Variants in DPP6 observed in about 807,000 individuals in gnomAD.
DPP6 encodes A-type potassium channel modulatory protein DPP6.
In DPP6, 69 loss-of-function variants were observed where a neutral mutation model predicts 122.6. That is an observed-to-expected ratio of 0.56 (90% CI 0.46 to 0.69). The LOEUF (loss-of-function observed/expected upper bound fraction) is 0.69, where lower values mean the gene tolerates loss of function less well. Among genes scored for constraint, DPP6 ranks in the 30% least tolerant of loss-of-function variants. The pLI is 0.00. For synonymous variants in DPP6, 418 were observed against 433.1 expected (o/e 0.97, Z 0.43); for missense variants, 928 against 1,116.9 (o/e 0.83, Z 2.41).
At chr7:154,108,084 C>G (rs1585393266) in intron 1 of DPP6, among the ~76,000 whole-genome samples, 3 of 152,338 alleles carry the variant, frequency 2.0e-5, no homozygotes, top group African/African-American at 7.2e-5. Context: ...GGCACCTTGT[C>G]CCTCAGCCCT....
At chr7:154,008,284 C>T (rs1797997987) in intron 1 of DPP6, among the ~76,000 whole-genome samples, 1 of 152,188 alleles carries the variant, frequency 6.6e-6, no homozygotes, top group Non-Finnish European at 1.5e-5. Flanking sequence ...GGCGCCAGGG[C>T]TGTGTGGTTG....
intron 1 of DPP6, among the ~76,000 whole-genome samples, chr7:154,215,008 G>C (rs4534067): frequency 1.3e-5 from 2 of 152,094 alleles, no homozygotes; most frequent in African/African-American, 4.8e-5. Flanking sequence ...TTAGCCCCCC[G>C]GTTGCCTTTC....
intron 8 of DPP6, among the ~76,000 whole-genome samples, chr7:154,753,039 C>A (rs1843475245): frequency 6.6e-6 from 1 of 152,118 alleles, no homozygotes; most frequent in South Asian, 2.1e-4. Context: ...AGGGATTAAT[C>A]ATGCCTGAAG....
chr7:153,922,619 T>G (rs141045368), intron 1 of DPP6, among the ~76,000 whole-genome samples: 94 of 152,388 alleles, frequency 6.2e-4, no homozygotes, highest in African/African-American at 2.1e-3. Flanking sequence ...ATTGTATATC[T>G]TATAAATAAT....
At position 154,620,310 on chromosome 7, in the gene DPP6, T is replaced by C. The variant is rs181088948; in HGVS notation, c.628-17511T>C. Among the ~76,000 whole-genome samples, 137 of 152,358 alleles carry C rather than the reference T, an allele frequency of 9.0e-4. 2 individuals are homozygous for C. The highest frequency in any genetic ancestry group is 3.1e-3 in the African/African-American group (130 of 41,584). On this transcript the variant is annotated intron_variant, in intron 5 of 25. Coordinates refer to ENST00000377770, the MANE Select transcript of DPP6 (RefSeq NM_130797.4). ...TGACTATATAGTCAGTAGCGACTGA[T>C]CACTTTTTAATGTCAGTTTCATCGT... is the stretch of plus-strand genomic sequence containing the variant.
chr7:154,332,964 G>A (rs535959713), intron 1 of DPP6, among the ~76,000 whole-genome samples: 5 of 152,278 alleles, frequency 3.3e-5, no homozygotes, highest in African/African-American at 9.6e-5. Context: ...GATCTCAGGC[G>A]CGGGAGGCTC....
At chr7:153,843,983 C>T in the DPP6 span, among the ~76,000 whole-genome samples, 1 of 121,588 alleles carries the variant, frequency 8.2e-6, no homozygotes, top group African/African-American at 2.8e-5. Flanking sequence ...TGGACAGGTG[C>T]CCCCCATGCA....
At chr7:153,965,239 C>T (rs1225869733) in intron 1 of DPP6, among the ~76,000 whole-genome samples, 1 of 151,934 alleles carries the variant, frequency 6.6e-6, no homozygotes, top group East Asian at 1.9e-4. Flanking sequence ...TTTATTAGTT[C>T]ACATTTGAGA....
the DPP6 span, among the ~76,000 whole-genome samples, chr7:153,809,962 A>C: frequency 6.6e-6 from 1 of 152,124 alleles, no homozygotes; most frequent in Non-Finnish European, 1.5e-5. Flanking sequence ...TTTGTATCTT[A>C]GCAGAAGTCT....
intron 1 of DPP6, among the ~76,000 whole-genome samples, chr7:154,036,529 C>T (rs1159747310): frequency 6.6e-6 from 1 of 151,110 alleles, no homozygotes; most frequent in Non-Finnish European, 1.5e-5. Flanking sequence ...GTGAAGCCAT[C>T]CAGGTGCTGG....
chr7:153,834,275 T>TAA, the DPP6 span, among the ~76,000 whole-genome samples: 25,350 of 138,816 alleles, frequency 0.18, 2,191 homozygotes, highest in Non-Finnish European at 0.21. Context: ...TGACTCCATC[T>TAA]AAAAAAAAAA....
intron 16 of DPP6, among the ~76,000 whole-genome samples, chr7:154,835,299 A>G (rs1391939086): frequency 6.6e-6 from 1 of 152,116 alleles, no homozygotes; most frequent in Non-Finnish European, 1.5e-5. Flanking sequence ...AGGAAGGACA[A>G]GCCGCGGACT....
At chr7:154,509,928 G>A (rs940761439) in intron 3 of DPP6, among the ~76,000 whole-genome samples, 1 of 152,050 alleles carries the variant, frequency 6.6e-6, no homozygotes, top group Admixed American at 6.6e-5. Context: ...TTAGAATGGG[G>A]GTGAGGGGCA....
intron 1 of DPP6, among the ~76,000 whole-genome samples, chr7:154,031,393 G>A (rs754258978): frequency 2.7e-5 from 4 of 150,718 alleles, no homozygotes; most frequent in Non-Finnish European, 5.9e-5. Context: ...GAAACAAAAA[G>A]GTCATAATTA....
chr7:153,773,736 C>T, the DPP6 span, among the ~76,000 whole-genome samples: 1 of 150,768 alleles, frequency 6.6e-6, no homozygotes, highest in South Asian at 2.1e-4. Flanking sequence ...CAACTAAATT[C>T]TTATGCTGGA....
At chr7:154,394,493 A>ATC (rs1471999716) in intron 1 of DPP6, among the ~76,000 whole-genome samples, 1 of 1,440 alleles carries the variant, frequency 6.9e-4, no homozygotes, top group Non-Finnish European at 2.3e-3. Flanking sequence ...TCCTTATTAC[A>ATC]TATATATATA....
chr7:154,069,543 T>G (rs1335896696), intron 1 of DPP6, among the ~76,000 whole-genome samples: 1 of 151,864 alleles, frequency 6.6e-6, no homozygotes, highest in African/African-American at 2.4e-5. Flanking sequence ...CACAGTATTT[T>G]GTTTTTTCAA....
upstream of DPP6, among the ~76,000 whole-genome samples, chr7:154,052,071 C>T (rs1453082950): frequency 6.6e-6 from 1 of 150,820 alleles, no homozygotes; most frequent in South Asian, 2.1e-4. The surrounding 1 kb of genome is among the most constrained non-coding windows in gnomAD (Gnocchi z 4.8). Flanking sequence ...GCCTGCCTGC[C>T]TCGACCTCCG....
At chr7:154,305,514 C>T in intron 1 of DPP6, 1 of 1,604,684 alleles carries the variant, frequency 6.2e-7, no homozygotes, top group Non-Finnish European at 8.5e-7. Flanking sequence ...GCCAAGGAGC[C>T]AAGCGCTTCG....
Sources: allele counts gnomAD v4.1 joint callset (sites outside exome capture counted in the v4.1 genomes callset), GRCh38; gene constraint gnomAD v4.1.1; non-coding constraint Gnocchi (gnomAD v3.1); transcripts MANE v1.5; gene names NCBI Gene and HGNC (gene_info 2026-07-23, HGNC 2026-07-21).